The following DMD variants were observed in gnomAD, a reference collection of about 807,000 sequenced individuals.
DMD encodes dystrophin.
A neutral mutation model predicts 330.1 loss-of-function variants in DMD; 63 were observed. The observed-to-expected ratio is 0.19, with a 90% CI of 0.16 to 0.24. The LOEUF (loss-of-function observed/expected upper bound fraction) is 0.24. DMD is among the 10% of genes least tolerant of loss of function. The pLI is 1.00. For synonymous variants in DMD, 1,223 were observed against 959.8 expected (o/e 1.27, Z -5.07); for missense variants, 3,344 against 2,684.1 (o/e 1.25, Z -5.43).
chrX:32,596,575 C>A (rs1231762311), intron 12 of DMD, among the ~76,000 whole-genome samples: 1 of 109,588 alleles, frequency 9.1e-6, no homozygotes, highest in Admixed American at 9.8e-5. Flanking sequence ...GACGGATTCT[C>A]ACTGTGTCAC....
intron 27 of DMD, among the ~76,000 whole-genome samples, chrX:32,444,708 T>A (rs1026684026): frequency 5.4e-5 from 6 of 111,099 alleles, no homozygotes; most frequent in Admixed American, 2.9e-4. Context: ...AGCCCTGGTT[T>A]AAACAGAGAG....
At chrX:32,026,741 G>C (rs1285034407) in intron 44 of DMD, among the ~76,000 whole-genome samples, 5 of 111,884 alleles carry the variant, frequency 4.5e-5, no homozygotes, top group Non-Finnish European at 9.4e-5. Context: ...ATAACAAAGA[G>C]ATCCCACAAT....
At chrX:32,130,436 T>G (rs1363246926) in intron 44 of DMD, among the ~76,000 whole-genome samples, 1 of 111,725 alleles carries the variant, frequency 9.0e-6, no homozygotes, top group African/African-American at 3.3e-5. Context: ...ATTCCCATAA[T>G]GCACACTCCA....
chrX:31,578,160 A>T (rs964347881), intron 55 of DMD, among the ~76,000 whole-genome samples: 1 of 111,812 alleles, frequency 8.9e-6, no homozygotes, highest in African/African-American at 3.3e-5. Flanking sequence ...ACTGGAGAAC[A>T]TTATAGGTTA....
At position 33,002,995 on chromosome X, in the gene DMD, A is replaced by T. The variant is rs186623913; in HGVS notation, c.93+17144T>A. On this transcript the variant is annotated intron_variant, in intron 2 of 78. Transcript: ENST00000357033. ...TTTTCCTAATTTTTCAAAATTTTAA[A>T]TTTTTTTATTTTAATACTTTTGGGG... 8.9e-3 allele frequency among the ~76,000 whole-genome samples: 983 copies of T among 110,154 alleles called. 12 individuals are homozygous for T. The highest frequency in any genetic ancestry group is 0.029 in the African/African-American group (889 of 30,370).
At chrX:32,668,172 A>G (rs2147167303) in intron 9 of DMD, among the ~76,000 whole-genome samples, 1 of 111,277 alleles carries the variant, frequency 9.0e-6, no homozygotes, top group East Asian at 2.8e-4. Flanking sequence ...AGTACACTTA[A>G]ATGACATACA....
At chrX:31,126,418 C>G (rs1035250939) in intron 78 of DMD, among the ~76,000 whole-genome samples, 3 of 111,863 alleles carry the variant, frequency 2.7e-5, no homozygotes, top group African/African-American at 9.8e-5. Context: ...GAGATTCTTG[C>G]TCCCAACCCC....
chrX:31,846,456 C>T (rs2093428603), intron 48 of DMD, among the ~76,000 whole-genome samples: 1 of 100,105 alleles, frequency 1.0e-5, no homozygotes, highest in Non-Finnish European at 2.0e-5. Context: ...CACACACACA[C>T]ACACACACAC....
intron 18 of DMD, chrX:32,517,249 T>G (rs2045946058): frequency 8.9e-6 from 1 of 112,398 alleles, no homozygotes; most frequent in Admixed American, 9.5e-5. Context: ...TTGCCCATTT[T>G]ATTTACTCTG....
At chrX:33,041,752 T>G in intron 1 of DMD, 1 of 1,166,557 alleles carries the variant, frequency 8.6e-7, no homozygotes, top group Non-Finnish European at 1.2e-6. Context: ...GTTTTTGCAT[T>G]AAATCCTGGG....
intron 62 of DMD, among the ~76,000 whole-genome samples, chrX:31,262,616 T>C (rs1413494057): frequency 8.9e-6 from 1 of 112,648 alleles, no homozygotes; most frequent in African/African-American, 3.2e-5. Context: ...TACTTTTCCA[T>C]AGAGACAACT....
intron 41 of DMD, among the ~76,000 whole-genome samples, chrX:32,336,377 T>C (rs1457337113): frequency 8.9e-6 from 1 of 112,032 alleles, no homozygotes; most frequent in African/African-American, 3.2e-5. Flanking sequence ...GTTAATTTTC[T>C]ATCAGCCTTC....
chrX:32,849,706 T>C, intron 3 of DMD, 22 bp downstream of exon 3: 1 of 1,122,778 alleles, frequency 8.9e-7, no homozygotes, highest in Non-Finnish European at 1.2e-6. Context: ...AAAGTTAACT[T>C]TCTTAAAAAT....
intron 60 of DMD, among the ~76,000 whole-genome samples, chrX:31,355,950 C>A (rs2058660088): frequency 9.0e-6 from 1 of 110,884 alleles, no homozygotes; most frequent in African/African-American, 3.3e-5. Context: ...GGATTACAGG[C>A]ATGAGCCACC....
intron 11 of DMD, 112 bp downstream of exon 11, chrX:32,644,020 T>C: frequency 1.5e-6 from 1 of 656,373 alleles, no homozygotes; most frequent in South Asian, 2.9e-5. Flanking sequence ...AAGAAAGCTG[T>C]GTGCCTTGGG....
intron 60 of DMD, among the ~76,000 whole-genome samples, chrX:31,421,469 C>G (rs1360420536): frequency 1.8e-5 from 2 of 111,720 alleles, no homozygotes; most frequent in Non-Finnish European, 3.8e-5. Flanking sequence ...ATCATCTCTA[C>G]TTTTAAAATC....
chrX:33,100,007 G>T (rs1035407128), intron 1 of DMD, among the ~76,000 whole-genome samples: 1 of 111,757 alleles, frequency 8.9e-6, no homozygotes, highest in Non-Finnish European at 1.9e-5. Flanking sequence ...GCTCTGACAC[G>T]CAACATAAGA....
At chrX:32,754,067 T>C (rs2071173433) in intron 7 of DMD, among the ~76,000 whole-genome samples, 1 of 111,745 alleles carries the variant, frequency 8.9e-6, no homozygotes, top group Non-Finnish European at 1.9e-5. Flanking sequence ...TGTAAGGTAT[T>C]GATCAATTAT....
intron 7 of DMD, among the ~76,000 whole-genome samples, chrX:32,718,951 G>A (rs73458819): frequency 0.044 from 4,895 of 111,760 alleles, 279 homozygotes; most frequent in African/African-American, 0.15. Context: ...GCTCCATTAG[G>A]TAAATAATCT....
Sources: gnomAD v4.1 joint callset for allele counts (sites outside exome capture counted in the v4.1 genomes callset) on GRCh38, gnomAD v4.1.1 for gene constraint, MANE v1.5 for transcripts, NCBI Gene and HGNC (gene_info 2026-07-23, HGNC 2026-07-21) for gene names.